Variants in LRRTM4 observed in about 807,000 individuals in gnomAD.
LRRTM4 encodes leucine-rich repeat transmembrane neuronal protein 4.
A neutral mutation model predicts 47.6 loss-of-function variants in LRRTM4; 25 were observed. The ratio of observed to expected loss-of-function variants is 0.53; its 90% CI spans 0.38 to 0.73. LRRTM4 has a LOEUF of 0.73. LRRTM4 is among the 30% of genes least tolerant of loss of function. LRRTM4 has a pLI of 0.00. For missense variants in LRRTM4, 638 were observed against 713.4 expected (o/e 0.89, Z 1.20); for synonymous variants, 311 against 269.5 (o/e 1.15, Z -1.51).
At chr2:77,436,373 G>GCTAA (rs1675600578) in intron 3 of LRRTM4, among the ~76,000 whole-genome samples, 1 of 151,938 alleles carries the variant, frequency 6.6e-6, no homozygotes, top group Non-Finnish European at 1.5e-5. Context: ...GAATAGCAAT[G>GCTAA]CTAAGGTTGT....
intron 3 of LRRTM4, among the ~76,000 whole-genome samples, chr2:76,823,837 T>G (rs528727918): frequency 6.6e-6 from 1 of 151,704 alleles, no homozygotes; most frequent in African/African-American, 2.4e-5. Context: ...CAAATATTGT[T>G]AAATTTAGAT....
intron 3 of LRRTM4, among the ~76,000 whole-genome samples, chr2:77,103,641 A>G (rs1434283647): frequency 1.4e-5 from 2 of 140,202 alleles, no homozygotes; most frequent in Admixed American, 7.3e-5. Context: ...TGTTATATAC[A>G]TGAGTGTATA....
At chr2:77,184,589 A>G (rs543589285) in intron 3 of LRRTM4, among the ~76,000 whole-genome samples, 18 of 152,282 alleles carry the variant, frequency 1.2e-4, no homozygotes, top group African/African-American at 4.3e-4. Flanking sequence ...GATTCTACAT[A>G]AAGCCTTTCC....
chr2:76,812,938 A>T (rs1670788230), intron 3 of LRRTM4, among the ~76,000 whole-genome samples: 1 of 151,772 alleles, frequency 6.6e-6, no homozygotes, highest in Non-Finnish European at 1.5e-5. Flanking sequence ...GATTGTGAGA[A>T]CGTTTGCCCA....
At chr2:77,441,498 C>T (rs997002029) in intron 3 of LRRTM4, among the ~76,000 whole-genome samples, 2 of 152,114 alleles carry the variant, frequency 1.3e-5, no homozygotes, top group South Asian at 4.1e-4. Flanking sequence ...AATGTCAACT[C>T]TTTTACTGAT....
At chr2:77,423,817 T>A (rs978688304) in intron 3 of LRRTM4, among the ~76,000 whole-genome samples, 2 of 152,130 alleles carry the variant, frequency 1.3e-5, no homozygotes, top group African/African-American at 4.8e-5. Flanking sequence ...ATAAGGTAGA[T>A]GAAAATGGAC....
chr2:77,216,934 G>A (rs1194232221), intron 3 of LRRTM4, among the ~76,000 whole-genome samples: 2 of 152,046 alleles, frequency 1.3e-5, no homozygotes, highest in Admixed American at 6.6e-5. Flanking sequence ...TTAGCCGGGC[G>A]TGGTGGAGGG....
chr2:77,225,684 C>T (rs1300494188), intron 3 of LRRTM4, among the ~76,000 whole-genome samples: 3 of 152,012 alleles, frequency 2.0e-5, no homozygotes, highest in African/African-American at 4.8e-5. Flanking sequence ...TATTTGCCTA[C>T]ACCTATATAT....
At chr2:76,854,657 G>A (rs779165947) in intron 3 of LRRTM4, among the ~76,000 whole-genome samples, 1 of 152,094 alleles carries the variant, frequency 6.6e-6, no homozygotes, top group Non-Finnish European at 1.5e-5. Context: ...GGTCCCTTAT[G>A]ACATAAATGA....
intron 3 of LRRTM4, among the ~76,000 whole-genome samples, chr2:77,041,656 GTTGA>G (rs1444011634): frequency 6.6e-6 from 1 of 151,224 alleles, no homozygotes; most frequent in Non-Finnish European, 1.5e-5. Context: ...GATTAGTGAT[GTTGA>G]TTACTTTTTC....
At chr2:77,275,111 C>A (rs1321358101) in intron 3 of LRRTM4, among the ~76,000 whole-genome samples, 1 of 152,010 alleles carries the variant, frequency 6.6e-6, no homozygotes, top group African/African-American at 2.4e-5. Flanking sequence ...TTTCCATGGG[C>A]CATTTAAACT....
rs116835688 is a variant in LRRTM4, at chr2:76,863,783, G to C, written c.1552-114867C>G. ...ATTGTTTTTTACATGTTTATTACCA[G>C]TTTGATTTTTAACAATTCTCCTCAT... On this transcript the variant is annotated intron_variant, in intron 3 of 3. Coordinates refer to ENST00000409884, the MANE Select transcript of LRRTM4 (RefSeq NM_001134745.3). Among the ~76,000 whole-genome samples, 465 of 152,242 alleles carry C rather than the reference G, an allele frequency of 3.1e-3. 8 individuals are homozygous for C. Among genetic ancestry groups the C allele is most frequent in the African/African-American group, 0.011 (447 of 41,538 alleles).
chr2:77,060,546 C>T (rs1038791264), intron 3 of LRRTM4, among the ~76,000 whole-genome samples: 1 of 151,828 alleles, frequency 6.6e-6, no homozygotes, highest in African/African-American at 2.4e-5. Flanking sequence ...TTTGAGAAAA[C>T]CCAGCATAAA....
intron 3 of LRRTM4, among the ~76,000 whole-genome samples, chr2:76,977,873 C>T (rs72823139): frequency 0.019 from 2,935 of 152,034 alleles, 75 homozygotes; most frequent in East Asian, 0.083. Context: ...TCTTTTCCTT[C>T]CAAATGTGGT....
intron 3 of LRRTM4, among the ~76,000 whole-genome samples, chr2:76,953,826 A>T (rs1332163421): frequency 6.6e-6 from 1 of 151,960 alleles, no homozygotes; most frequent in Non-Finnish European, 1.5e-5. Flanking sequence ...TATCTGACTC[A>T]GAGTCCTGAT....
chr2:77,053,294 A>G (rs189361216), intron 3 of LRRTM4, among the ~76,000 whole-genome samples: 1 of 152,216 alleles, frequency 6.6e-6, no homozygotes, highest in African/African-American at 2.4e-5. Flanking sequence ...ATACTTTTAA[A>G]TACTAAGTAA....
intron 3 of LRRTM4, among the ~76,000 whole-genome samples, chr2:77,217,151 C>T (rs1674470877): frequency 6.6e-6 from 1 of 150,794 alleles, no homozygotes; most frequent in South Asian, 2.1e-4. Context: ...TACCCAGGCA[C>T]TTATATCTTT....
At position 76,974,219 on chromosome 2, in the gene LRRTM4, TATAC is replaced by T. The variant is rs1397960153; in HGVS notation, c.1552-225307_1552-225304del. 8.9e-5 allele frequency among the ~76,000 whole-genome samples: 11 copies of T among 124,000 alleles called. 1 individual carries two copies. Among genetic ancestry groups the T allele is most frequent in the Admixed American group, 1.7e-4 (2 of 11,942 alleles). The allele number at this position is 124,000 out of a possible 152,430, so 81.3% of individuals were successfully genotyped here. A position where few individuals can be genotyped will look rare whatever the true frequency, so the allele number is the denominator to read the frequency against. ...ATACATATATATATATACACATATATATACATACATATATATATATACATATATA... is the reference window on the plus strand; with the variant it reads ...ATACATATATATATATACACATATATATACATATATATATATACATATATA... On this transcript the variant is annotated intron_variant, in intron 3 of 3. Transcript: ENST00000409884.
intron 3 of LRRTM4, among the ~76,000 whole-genome samples, chr2:76,914,604 AG>A (rs1195258129): frequency 5.3e-5 from 8 of 152,300 alleles, no homozygotes; most frequent in African/African-American, 1.7e-4. Context: ...GTGTTATAAA[AG>A]GTAGAGAATT....
Sources: gnomAD v4.1 joint callset for allele counts (sites outside exome capture counted in the v4.1 genomes callset) on GRCh38, gnomAD v4.1.1 for gene constraint, MANE v1.5 for transcripts, NCBI Gene and HGNC (gene_info 2026-07-23, HGNC 2026-07-21) for gene names.